Variants in KSR2 observed in about 807,000 individuals in gnomAD.
The protein encoded by KSR2 is kinase suppressor of ras 2.
In KSR2, 25 loss-of-function variants were observed where a neutral mutation model predicts 107.8. The observed-to-expected ratio is 0.23, with a 90% CI of 0.17 to 0.32. The LOEUF is 0.32. Ranked by LOEUF, KSR2 falls within the 10% of genes least tolerant of loss-of-function variation. The pLI is 1.00. For missense variants in KSR2, 887 were observed against 1,268.9 expected (o/e 0.70, Z 4.57); for synonymous variants, 480 against 507.0 (o/e 0.95, Z 0.71).
chr12:117,575,901 G>C (rs528048956), intron 7 of KSR2, among the ~76,000 whole-genome samples: 33 of 152,348 alleles, frequency 2.2e-4, no homozygotes, highest in African/African-American at 7.9e-4. Context: ...GTTGTAGAGA[G>C]AGACACTGAG....
In KSR2 at chr12:117,739,122, A is replaced by G. The variant is rs1314544567; in HGVS notation, c.986+21889T>C. Among the ~76,000 whole-genome samples, 6 of 152,278 alleles carry G rather than the reference A, an allele frequency of 3.9e-5. No individual in the cohort carries two copies. The East Asian group carries it at 9.7e-4, about 25-fold the overall frequency. ...TGTAATCCCAGCACTTTTGGAGGCC[A>G]AGGTGGGCAGATCACGAGGTCAGGA... On this transcript the variant is annotated intron_variant, in intron 4 of 19. Transcript: ENST00000339824.
chr12:117,517,354 GGAGGCA>G (rs1874439868), intron 14 of KSR2, among the ~76,000 whole-genome samples: 1 of 152,236 alleles, frequency 6.6e-6, no homozygotes, highest in Admixed American at 6.5e-5. Context: ...CTCTCTGGCT[GGAGGCA>G]TTATGGGTGA....
chr12:117,794,076 C>T (rs565512992), intron 3 of KSR2, among the ~76,000 whole-genome samples: 13 of 121,850 alleles, frequency 1.1e-4, no homozygotes, highest in African/African-American at 4.1e-4. Context: ...ACACATACAC[C>T]AACATGCACA....
intron 5 of KSR2, among the ~76,000 whole-genome samples, chr12:117,632,035 T>C (rs1251759044): frequency 6.6e-6 from 1 of 152,146 alleles, no homozygotes. Flanking sequence ...TCTGACTATT[T>C]TTTCATAGCT....
intron 5 of KSR2, among the ~76,000 whole-genome samples, chr12:117,584,272 G>GA (rs141854529): frequency 4.9e-4 from 75 of 151,780 alleles, no homozygotes; most frequent in African/African-American, 1.7e-3. Context: ...AAAGACAAGA[G>GA]AAAAAAAAAT....
intron 4 of KSR2, among the ~76,000 whole-genome samples, chr12:117,760,621 C>T (rs1369020538): frequency 3.3e-5 from 5 of 152,128 alleles, no homozygotes; most frequent in South Asian, 2.1e-4. Flanking sequence ...GGTTGGCAAA[C>T]GTTTTCAGTA....
chr12:117,564,560 C>A (rs1219071687), intron 7 of KSR2, among the ~76,000 whole-genome samples: 1 of 152,200 alleles, frequency 6.6e-6, no homozygotes, highest in Non-Finnish European at 1.5e-5. Flanking sequence ...ATAGGATAAG[C>A]TTCAGTTATC....
chr12:117,847,491 G>A (rs1238104259), intron 3 of KSR2, among the ~76,000 whole-genome samples: 1 of 152,200 alleles, frequency 6.6e-6, no homozygotes, highest in African/African-American at 2.4e-5. Context: ...CCTGTCTGCA[G>A]CACCCTGGCC....
chr12:117,550,502 G>A (rs1877220231), intron 9 of KSR2, among the ~76,000 whole-genome samples: 1 of 152,140 alleles, frequency 6.6e-6, no homozygotes, highest in African/African-American at 2.4e-5. Flanking sequence ...TCCCAACACA[G>A]GATCATAGGC....
chr12:117,528,278 T>C (rs1875363447), intron 12 of KSR2, among the ~76,000 whole-genome samples: 1 of 152,046 alleles, frequency 6.6e-6, no homozygotes, highest in African/African-American at 2.4e-5. Flanking sequence ...ACAGTGTGCA[T>C]TAGAGGTATG....
At chr12:117,744,160 C>A (rs921836881) in intron 4 of KSR2, among the ~76,000 whole-genome samples, 3 of 152,138 alleles carry the variant, frequency 2.0e-5, no homozygotes, top group African/African-American at 4.8e-5. Context: ...TCCCATCCTG[C>A]CTCTGCTGCT....
intron 1 of KSR2, among the ~76,000 whole-genome samples, chr12:117,929,947 A>C (rs1895649842): frequency 6.6e-6 from 1 of 152,206 alleles, no homozygotes; most frequent in Non-Finnish European, 1.5e-5. Flanking sequence ...AAGTTATTAC[A>C]TAGCACTGTG....
intron 4 of KSR2, among the ~76,000 whole-genome samples, chr12:117,716,104 GA>G (rs1245814187): frequency 6.6e-6 from 1 of 152,146 alleles, no homozygotes; most frequent in Non-Finnish European, 1.5e-5. Flanking sequence ...ATAGCACCTG[GA>G]ACACTTTGAA....
At chr12:117,621,077 C>T (rs553408513) in intron 5 of KSR2, among the ~76,000 whole-genome samples, 4 of 152,116 alleles carry the variant, frequency 2.6e-5, no homozygotes, top group South Asian at 2.1e-4. Context: ...GTAATCCCCA[C>T]GTGTCAAGAG....
At chr12:117,796,782 A>G (rs751685930) in intron 3 of KSR2, among the ~76,000 whole-genome samples, 5 of 152,194 alleles carry the variant, frequency 3.3e-5, no homozygotes, top group Non-Finnish European at 5.9e-5. Context: ...CTATGGCTCA[A>G]TTAACCCCGT....
chr12:117,480,028 A>ATGTG (rs55877244), intron 16 of KSR2, among the ~76,000 whole-genome samples: 3,663 of 148,602 alleles, frequency 0.025, 150 homozygotes, highest in African/African-American at 0.08. Flanking sequence ...ACACATGTGT[A>ATGTG]TGTGTGTGTG....
chr12:117,472,992 C>T (rs1871565688), intron 17 of KSR2, among the ~76,000 whole-genome samples: 2 of 152,194 alleles, frequency 1.3e-5, no homozygotes, highest in South Asian at 4.1e-4. Context: ...AGAACTCACA[C>T]TCATACTGCC....
intron 6 of KSR2, among the ~76,000 whole-genome samples, chr12:117,579,412 G>T (rs1191625906): frequency 6.6e-6 from 1 of 152,188 alleles, no homozygotes; most frequent in Non-Finnish European, 1.5e-5. Flanking sequence ...TGACCTCATA[G>T]GTTGCTGGAG....
In KSR2 at chr12:117,469,644, T is replaced by C. The variant is rs12304889; in HGVS notation, c.2846+18A>G. 217,465 of 1,609,024 alleles carry C rather than the reference T, an allele frequency of 0.14. 15,836 individuals are homozygous for C. Among genetic ancestry groups the C allele is most frequent in the African/African-American group, 0.24 (17,871 of 74,790 alleles). The stretch of plus-strand genomic sequence containing the variant: ...GAGGACAAGGCAGTGGGGAGAGACA[T>C]TAAGGGAGAAAACCTACTCTGCAGA... On this transcript the variant is annotated intron_variant, in intron 19 of 19. Transcript: ENST00000339824.
Sources: allele counts gnomAD v4.1 joint callset (sites outside exome capture counted in the v4.1 genomes callset), GRCh38; gene constraint gnomAD v4.1.1; transcripts MANE v1.5; gene names NCBI Gene and HGNC (gene_info 2026-07-23, HGNC 2026-07-21).